The following CDH4 variants were observed in gnomAD, a reference collection of about 807,000 sequenced individuals.
The protein encoded by CDH4 is cadherin-4.
In CDH4, 33 loss-of-function variants were observed where a neutral mutation model predicts 86.0. The observed-to-expected ratio is 0.38, with a 90% confidence interval of 0.29 to 0.51. The LOEUF (loss-of-function observed/expected upper bound fraction) is 0.51. Among genes scored for constraint, CDH4 ranks in the 20% least tolerant of loss-of-function variants. The pLI is 0.86. For synonymous variants in CDH4, 555 were observed against 549.4 expected (o/e 1.01, Z -0.14); for missense variants, 1,114 against 1,307.4 (o/e 0.85, Z 2.28).
chr20:61,651,780 T>C (rs1172042620), intron 2 of CDH4, among the ~76,000 whole-genome samples: 1 of 152,220 alleles, frequency 6.6e-6, no homozygotes, highest in Non-Finnish European at 1.5e-5. Flanking sequence ...TTCTCAGGAT[T>C]CTCTCTGTCT....
intron 2 of CDH4, among the ~76,000 whole-genome samples, chr20:61,565,367 T>C (rs2086286410): frequency 1.3e-4 from 5 of 38,852 alleles, no homozygotes; most frequent in Non-Finnish European, 1.8e-4. Context: ...GGGGTGATGG[T>C]GGTGGTGGTC....
chr20:61,744,603 GAC>G (rs1568791635), intron 3 of CDH4, among the ~76,000 whole-genome samples: 1 of 151,922 alleles, frequency 6.6e-6, no homozygotes, highest in Non-Finnish European at 1.5e-5. Flanking sequence ...GAGAGAGACA[GAC>G]AGACAGCTTC....
chr20:61,256,792 A>G (rs768969723), intron 2 of CDH4, among the ~76,000 whole-genome samples: 1 of 152,190 alleles, frequency 6.6e-6, no homozygotes, highest in Non-Finnish European at 1.5e-5. Context: ...ACCCTCCTCT[A>G]GGGGCTGTAG....
Position 61,652,934 on chromosome 20 carries a change from A to AT in CDH4, c.170-90626dup, listed in dbSNP as rs1378064808. 7.1e-4 allele frequency among the ~76,000 whole-genome samples: 73 copies of AT among 103,058 alleles called. 1 individual carries two copies. The highest frequency in any genetic ancestry group is 1.1e-3 in the Non-Finnish European group (47 of 44,488). 67.6% of individuals were successfully genotyped at this position (103,058 alleles called of 152,430 possible). ...AGTGTTTGAATTTATTTATTTATTT[A>AT]TTTATTTTTTTTTTTTTTTTTATTG... is the stretch of plus-strand genomic sequence containing the variant. On this transcript the variant is annotated intron_variant, in intron 2 of 15. Transcript: ENST00000614565.
intron 7 of CDH4, among the ~76,000 whole-genome samples, chr20:61,889,706 AGAT>A (rs1383049108): frequency 2.5e-4 from 36 of 143,090 alleles, no homozygotes; most frequent in Middle Eastern, 3.9e-3. Flanking sequence ...ATGGATGGAT[AGAT>A]GATGGATGGA....
At chr20:61,302,430 CGG>C (rs1465635839) in intron 2 of CDH4, among the ~76,000 whole-genome samples, 1 of 152,030 alleles carries the variant, frequency 6.6e-6, no homozygotes, top group East Asian at 1.9e-4. Context: ...TTCAGATGAA[CGG>C]TGAAAAGCAA....
At chr20:61,644,761 T>G (rs1187412281) in intron 2 of CDH4, among the ~76,000 whole-genome samples, 1 of 152,126 alleles carries the variant, frequency 6.6e-6, no homozygotes, top group Non-Finnish European at 1.5e-5. Context: ...CTGAAATACT[T>G]TGTGCATAGG....
chr20:61,273,575 G>A, intron 2 of CDH4, among the ~76,000 whole-genome samples: 2 of 146,036 alleles, frequency 1.4e-5, no homozygotes, highest in Non-Finnish European at 1.5e-5. Context: ...TGCAGTTTGG[G>A]GGAATACCGA....
rs1343902818 is a variant in CDH4 at position 61,393,550 on chromosome 20, C to G, written c.169+138613C>G. On this transcript the variant is annotated intron_variant, in intron 2 of 15. Transcript: ENST00000614565. This position sits in a 1 kb window ranked among gnomAD's most constrained non-coding sequence, Gnocchi z 4.3. ...TGGGGTCTTTATGGAGCAGGATCCT[C>G]ACGTAGCCCACATTCGCCACAGCCA... Among the ~76,000 whole-genome samples, 1 of 152,158 alleles carries G rather than the reference C, an allele frequency of 6.6e-6. No homozygotes were observed. Among genetic ancestry groups the G allele is most frequent in the Non-Finnish European group, 1.5e-5 (1 of 68,034 alleles).
chr20:61,474,414 A>G (rs916925034), intron 2 of CDH4, among the ~76,000 whole-genome samples: 7 of 151,062 alleles, frequency 4.6e-5, no homozygotes, highest in Non-Finnish European at 8.8e-5. Context: ...ACCTCAGGCA[A>G]TCCGCTCACC....
intron 2 of CDH4, among the ~76,000 whole-genome samples, chr20:61,331,670 T>TCCTGCCCCGGCTACCTGTCCCAGGCC (rs1568801254): frequency 5.2e-5 from 2 of 38,574 alleles, no homozygotes; most frequent in African/African-American, 1.0e-4. Flanking sequence ...TGCCCCAGGC[T>TCCTGCCCCGGCTACCTGTCCCAGGCC]CACCTCCTGC....
At chr20:61,535,841 A>T (rs1037579299) in intron 2 of CDH4, among the ~76,000 whole-genome samples, 4 of 152,110 alleles carry the variant, frequency 2.6e-5, no homozygotes, top group African/African-American at 9.7e-5. Context: ...TGGGCATTCG[A>T]ACCCCCTGTT....
intron 4 of CDH4, among the ~76,000 whole-genome samples, chr20:61,843,919 C>T (rs1982302841): frequency 1.3e-5 from 2 of 152,190 alleles, no homozygotes; most frequent in South Asian, 2.1e-4. Context: ...AGGGAACCCC[C>T]AGGCTCTGGG....
At chr20:61,508,029 G>T (rs573142306) in intron 2 of CDH4, among the ~76,000 whole-genome samples, 1 of 152,224 alleles carries the variant, frequency 6.6e-6, no homozygotes, top group South Asian at 2.1e-4. Context: ...GTCTCTGTGC[G>T]CACTGTCGTG....
chr20:61,278,887 T>C (rs1204715740), intron 2 of CDH4, among the ~76,000 whole-genome samples: 1 of 152,202 alleles, frequency 6.6e-6, no homozygotes, highest in African/African-American at 2.4e-5. Flanking sequence ...TCTTCATAGG[T>C]GGCAATGGCA....
intron 2 of CDH4, among the ~76,000 whole-genome samples, chr20:61,512,397 A>G (rs2085786901): frequency 6.6e-6 from 1 of 151,934 alleles, no homozygotes. Context: ...AATCGACCAT[A>G]CCTCTTCCAG....
rs749951335 is a variant in CDH4, at chr20:61,922,875, C to T, written c.1375-576C>T. 3.9e-5 allele frequency among the ~76,000 whole-genome samples: 6 copies of T among 152,246 alleles called. No individual in the cohort carries two copies. In the East Asian group the frequency reaches 7.7e-4, roughly 19 times the overall value. On this transcript the variant is annotated intron_variant, in intron 9 of 15. Transcript: ENST00000614565. ...GGCTCAAGCGATCCTCCCACCTTAG[C>T]GTCCTGAAGCCCTGGGATTACAGGC...
chr20:61,808,012 C>A (rs1451743791), intron 4 of CDH4, among the ~76,000 whole-genome samples: 1 of 152,206 alleles, frequency 6.6e-6, no homozygotes, highest in African/African-American at 2.4e-5. Flanking sequence ...GACAATGAAC[C>A]AGTAATCCAG....
chr20:61,798,686 C>G (rs868076214), intron 4 of CDH4, among the ~76,000 whole-genome samples: 1 of 152,202 alleles, frequency 6.6e-6, no homozygotes, highest in Non-Finnish European at 1.5e-5. Context: ...GTAACTTTCT[C>G]ACAAGCCAGG....
Sources: allele counts gnomAD v4.1 joint callset (sites outside exome capture counted in the v4.1 genomes callset), GRCh38; gene constraint gnomAD v4.1.1; non-coding constraint Gnocchi (gnomAD v3.1); transcripts MANE v1.5; gene names NCBI Gene and HGNC (gene_info 2026-07-23, HGNC 2026-07-21).